The following GRK3 variants were observed in gnomAD, a reference collection of about 807,000 sequenced individuals.
GRK3 encodes G protein-coupled receptor kinase 3.
Under a neutral mutation model 95.7 loss-of-function variants are expected in GRK3, and 54 were observed. The observed-to-expected ratio is 0.56, with a 90% CI of 0.45 to 0.71. The LOEUF is 0.71. Ranked by LOEUF, GRK3 falls within the 30% of genes least tolerant of loss-of-function variation. The pLI is 0.00. For synonymous variants in GRK3, 281 were observed against 290.8 expected (o/e 0.97, Z 0.34); for missense variants, 649 against 851.2 (o/e 0.76, Z 2.96).
chr22:25,597,902 C>G (rs2084383101), intron 1 of GRK3, among the ~76,000 whole-genome samples: 1 of 152,138 alleles, frequency 6.6e-6, no homozygotes, highest in African/African-American at 2.4e-5. Flanking sequence ...AAAGGCAAAA[C>G]AAAGACTTTT....
intron 13 of GRK3, among the ~76,000 whole-genome samples, chr22:25,698,513 A>T (rs1005064373): frequency 1.3e-5 from 2 of 152,034 alleles, no homozygotes. Flanking sequence ...GGCTTTGAAG[A>T]TAGGTAGGAT....
At chr22:25,616,778 T>G (rs565645549) in intron 2 of GRK3, among the ~76,000 whole-genome samples, 13 of 152,204 alleles carry the variant, frequency 8.5e-5, no homozygotes, top group Non-Finnish European at 1.9e-4. Context: ...TGGGGACACT[T>G]GTCCTCAGGT....
rs746008667 is a variant in GRK3, at chr22:25,614,055, TA to T, written c.190+9604del. ...ATTTTACTGGAAAAGCACAATCCTT[TA>T]ATATCTACTAATCACTAGAAACTAT... On this transcript the variant is annotated intron_variant, in intron 2 of 20. Coordinates refer to ENST00000324198, the MANE Select transcript of GRK3 (RefSeq NM_005160.4). Among the ~76,000 whole-genome samples, 8 of 152,276 alleles carry T rather than the reference TA, an allele frequency of 5.3e-5. No individual in the cohort carries two copies. The East Asian group carries it at 7.7e-4, about 15-fold the overall frequency.
In GRK3 at chr22:25,628,170, T is replaced by G. The variant is rs552441967; in HGVS notation, c.191-16422T>G. On this transcript the variant is annotated intron_variant, in intron 2 of 20. Coordinates refer to ENST00000324198, the MANE Select transcript of GRK3 (RefSeq NM_005160.4). Reference sequence around the variant, plus strand: ...AATGTTATTTTGTTATCTTTCAAATTGATAAAAAGCCCAAAGTTAAAGAAC... The same window carrying G: ...AATGTTATTTTGTTATCTTTCAAATGGATAAAAAGCCCAAAGTTAAAGAAC... Among the ~76,000 whole-genome samples, 47 of 152,308 alleles carry G rather than the reference T, an allele frequency of 3.1e-4. 1 individual carries two copies. The East Asian group carries it at 5.4e-3, about 17-fold the overall frequency.
chr22:25,644,665 G>T lies in GRK3; in HGVS notation c.264G>T (p.Glu88Asp). The T allele has an allele frequency of 6.6e-7, 1 of 1,521,434 alleles. No individual in the cohort carries two copies. The highest frequency in any genetic ancestry group is 1.8e-4 in the Middle Eastern group (1 of 5,646). 94.2% of individuals were successfully genotyped at this position (1,521,434 alleles called of 1,614,324 possible). Residue 88 changes from glutamate to aspartate, a missense_variant and splice_region_variant, in exon 3 of 21, where the codon GAG becomes GAT. Around this residue, in one of 3 missense-constraint regions of GRK3, gnomAD observed 206 missense variants for 231.4 expected, o/e 0.89. Transcript: ENST00000324198. ...EAVPQVKFYE[E>D]IKEYEKLDNE... Reference sequence around the variant, plus strand: ...TACCTCAGGTGAAGTTTTATGAAGAGGTAAGAAGTAACTGTTTTACTGATG... The same window carrying T: ...TACCTCAGGTGAAGTTTTATGAAGATGTAAGAAGTAACTGTTTTACTGATG...
intron 6 of GRK3, among the ~76,000 whole-genome samples, chr22:25,671,415 C>G (rs1407878059): frequency 6.6e-6 from 1 of 152,148 alleles, no homozygotes; most frequent in Non-Finnish European, 1.5e-5. Context: ...ATCAAAATGT[C>G]TTTGTTAAAT....
chr22:25,575,269 T>A (rs1398859117), intron 1 of GRK3, among the ~76,000 whole-genome samples: 2 of 152,198 alleles, frequency 1.3e-5, no homozygotes, highest in Non-Finnish European at 2.9e-5. Flanking sequence ...TCTTTTGAGA[T>A]GAGAGTTCTA....
Position 25,594,897 on chromosome 22 carries a change from A to T in GRK3, c.114-9480A>T, listed in dbSNP as rs899005839. The stretch of plus-strand genomic sequence containing the variant: ...CCATCTCAAAAATAAATAAATAAAT[A>T]AAATAAATAAATAAAAACAAAACCA... On this transcript the variant is annotated intron_variant, in intron 1 of 20. Coordinates refer to ENST00000324198, the MANE Select transcript of GRK3 (RefSeq NM_005160.4). 2.0e-5 allele frequency among the ~76,000 whole-genome samples: 3 copies of T among 152,024 alleles called. 1 individual carries two copies. Among genetic ancestry groups the T allele is most frequent in the East Asian group, 1.9e-4 (1 of 5,198 alleles).
At position 25,648,839 on chromosome 22, in the gene GRK3, A is replaced by G. The variant is rs541956785; in HGVS notation, c.264+4174A>G. 31 of 1,129,132 alleles carry G rather than the reference A, an allele frequency of 2.7e-5. No homozygotes were observed. In the East Asian group the frequency reaches 5.9e-4, roughly 21 times the overall value. The allele number at this position is 1,129,132 out of a possible 1,614,324, so 69.9% of individuals were successfully genotyped here. On this transcript the variant is annotated intron_variant, in intron 3 of 20. Transcript: ENST00000324198. ...TAGGAGAAAATCTTCTGTGCAAAAT[A>G]GCAGATTTTGGTTTAGCAAGGTTAA...
rs1388341200 is a variant in GRK3, at chr22:25,718,288, G to A, written c.1698G>A (p.Leu566=). ...GKDCIMHGYM[L]KLGNPFLTQW... ...ACTGTATTATGCACGGGTACATGCT[G>A]AAACTGGGAAACCCATTTCTGACTC... The change falls in exon 19 of 21, where the codon CTG becomes CTA. Residue 566 remains leucine (L), a synonymous_variant. Coordinates refer to ENST00000324198, the MANE Select transcript of GRK3 (RefSeq NM_005160.4). 6.2e-7 allele frequency: 1 copy of A among 1,613,986 alleles called. No homozygotes were observed. Among genetic ancestry groups the A allele is most frequent in the Non-Finnish European group, 8.5e-7 (1 of 1,180,010 alleles).
At chr22:25,660,755 T>C (rs2084904337) in intron 3 of GRK3, among the ~76,000 whole-genome samples, 1 of 152,206 alleles carries the variant, frequency 6.6e-6, no homozygotes, top group Non-Finnish European at 1.5e-5. Context: ...CCCTCCGAGC[T>C]TCATATTTCA....
intron 1 of GRK3, among the ~76,000 whole-genome samples, chr22:25,599,054 C>T (rs1490295236): frequency 6.6e-6 from 1 of 152,140 alleles, no homozygotes; most frequent in Non-Finnish European, 1.5e-5. Context: ...TATCTCCTAC[C>T]ATACTCCCAG....
intron 5 of GRK3, among the ~76,000 whole-genome samples, chr22:25,664,489 T>C (rs1219931275): frequency 6.6e-6 from 1 of 151,974 alleles, no homozygotes; most frequent in African/African-American, 2.4e-5. Flanking sequence ...AAGTTGGGCA[T>C]TTAAAGGGAG....
intron 12 of GRK3, 56 bp from the exon 13 acceptor site, chr22:25,695,051 T>C: frequency 7.8e-7 from 1 of 1,282,436 alleles, no homozygotes; most frequent in Non-Finnish European, 1.1e-6. Flanking sequence ...GGGGCGCTGT[T>C]AGTGTTTTCT....
chr22:25,569,583 G>A, intron 1 of GRK3, among the ~76,000 whole-genome samples: 1 of 152,162 alleles, frequency 6.6e-6, no homozygotes, highest in East Asian at 1.9e-4. Context: ...GGACAAGGGT[G>A]GAAACTATCC....
chr22:25,634,792 T>C (rs929339585), intron 2 of GRK3, among the ~76,000 whole-genome samples: 1 of 152,234 alleles, frequency 6.6e-6, no homozygotes, highest in Non-Finnish European at 1.5e-5. Flanking sequence ...ATTTCTATTA[T>C]TAGTCACATA....
intron 1 of GRK3, among the ~76,000 whole-genome samples, chr22:25,566,857 A>ATATAC (rs1931507148): frequency 6.6e-6 from 1 of 151,118 alleles, no homozygotes; most frequent in African/African-American, 2.4e-5. Context: ...AATATGTAGT[A>ATATAC]TTTCTATATA....
intron 1 of GRK3, among the ~76,000 whole-genome samples, chr22:25,600,887 A>G (rs1468349697): frequency 6.6e-6 from 1 of 152,242 alleles, no homozygotes; most frequent in Non-Finnish European, 1.5e-5. Flanking sequence ...ATCTGATAAA[A>G]TAGACTTAAC....
At chr22:25,713,046 T>G (rs1393456815) in intron 17 of GRK3, among the ~76,000 whole-genome samples, 1 of 152,242 alleles carries the variant, frequency 6.6e-6, no homozygotes, top group Non-Finnish European at 1.5e-5. Flanking sequence ...AAAAAATTCA[T>G]TTTCAGCAAG....
Sources: allele counts gnomAD v4.1 joint callset (sites outside exome capture counted in the v4.1 genomes callset), GRCh38; gene constraint gnomAD v4.1.1; regional missense constraint gnomAD v4.1.1; transcripts MANE v1.5; gene names NCBI Gene and HGNC (gene_info 2026-07-23, HGNC 2026-07-21).